FTCDNL1: variants seen among roughly 807,000 people sequenced by gnomAD.
The protein encoded by FTCDNL1 is formiminotransferase cyclodeaminase N-terminal like, also known as formiminotransferase N-terminal subdomain-containing protein.
FTCDNL1 carries 11 observed loss-of-function variants against 5.9 expected under a neutral mutation model. The ratio of observed to expected loss-of-function variants is 1.87; its 90% CI spans 1.18 to 3.10. The LOEUF is 3.10. Among genes scored for constraint, FTCDNL1 ranks in the 30% most tolerant of loss-of-function variants. The pLI, the probability that FTCDNL1 is intolerant of heterozygous loss-of-function variation, is 0.00. For missense variants in FTCDNL1, 115 were observed against 65.5 expected (o/e 1.76, Z -2.61); for synonymous variants, 58 against 24.8 (o/e 2.34, Z -3.99).
chr2:199,731,153 T>C, the FTCDNL1 span, among the ~76,000 whole-genome samples: 3 of 152,002 alleles, frequency 2.0e-5, 1 homozygote, highest in African/African-American at 7.3e-5. Flanking sequence ...TGAGATCACA[T>C]GGACACAGGG....
chr2:199,784,479 TG>T (rs1699535486), intron 3 of FTCDNL1, among the ~76,000 whole-genome samples: 1 of 152,086 alleles, frequency 6.6e-6, no homozygotes. Context: ...TCGTGTTCCT[TG>T]GAAAACAGAC....
chr2:199,728,764 G>A, the FTCDNL1 span, among the ~76,000 whole-genome samples: 15 of 152,230 alleles, frequency 9.9e-5, no homozygotes, highest in African/African-American at 2.6e-4. Context: ...ATTCCTCCTC[G>A]GAGCCACAAG....
the FTCDNL1 span, among the ~76,000 whole-genome samples, chr2:199,731,646 T>C: frequency 1.3e-5 from 2 of 152,176 alleles, no homozygotes; most frequent in Admixed American, 6.5e-5. Context: ...CCCAGCACTT[T>C]GGGAGGCCGA....
At chr2:199,780,061 A>T (rs1481818050) in intron 3 of FTCDNL1, among the ~76,000 whole-genome samples, 1 of 152,212 alleles carries the variant, frequency 6.6e-6, no homozygotes, top group East Asian at 1.9e-4. Context: ...TCCCTGGAGA[A>T]CAGACTGTGG....
At chr2:199,770,002 C>T (rs1479414990) in intron 3 of FTCDNL1, among the ~76,000 whole-genome samples, 1 of 152,086 alleles carries the variant, frequency 6.6e-6, no homozygotes, top group Non-Finnish European at 1.5e-5. Context: ...AAATCTCATC[C>T]TCATGCTTGT....
the FTCDNL1 span, among the ~76,000 whole-genome samples, chr2:199,717,404 TC>T: frequency 1.3e-5 from 2 of 151,962 alleles, no homozygotes; most frequent in Non-Finnish European, 2.9e-5. Context: ...CTCCAAAACT[TC>T]CCTCCTTATG....
downstream of FTCDNL1, among the ~76,000 whole-genome samples, chr2:199,757,865 C>A (rs1387348650): frequency 6.6e-6 from 1 of 152,160 alleles, no homozygotes; most frequent in Non-Finnish European, 1.5e-5. Flanking sequence ...CTTAGAAGAA[C>A]TTTTACTCAG....
At chr2:199,715,487 T>C in the FTCDNL1 span, among the ~76,000 whole-genome samples, 2 of 152,208 alleles carry the variant, frequency 1.3e-5, no homozygotes, top group Non-Finnish European at 2.9e-5. Flanking sequence ...ACGTAAGATG[T>C]GCCTTTGGTC....
the FTCDNL1 span, among the ~76,000 whole-genome samples, chr2:199,751,130 C>T: frequency 1.3e-5 from 2 of 152,194 alleles, no homozygotes; most frequent in African/African-American, 2.4e-5. Flanking sequence ...AACCTCCCTT[C>T]GCCTCTGTCT....
intron 3 of FTCDNL1, among the ~76,000 whole-genome samples, chr2:199,786,995 T>C (rs910184364): frequency 1.4e-4 from 22 of 152,166 alleles, no homozygotes; most frequent in African/African-American, 4.8e-4. Flanking sequence ...TTTCCCTGGC[T>C]TTTGGCCTCT....
chr2:199,752,854 ATGAG>A, the FTCDNL1 span, among the ~76,000 whole-genome samples: 6 of 133,998 alleles, frequency 4.5e-5, no homozygotes, highest in Non-Finnish European at 9.9e-5. Flanking sequence ...GAGACAGACA[ATGAG>A]AGAGAGAGAG....
At chr2:199,729,725 A>T in the FTCDNL1 span, among the ~76,000 whole-genome samples, 1 of 152,202 alleles carries the variant, frequency 6.6e-6, no homozygotes, top group Non-Finnish European at 1.5e-5. Context: ...ATGGAAAAAA[A>T]ATTCCATGCT....
intron 3 of FTCDNL1, among the ~76,000 whole-genome samples, chr2:199,803,191 C>CAAAAAA (rs71403491): frequency 1.4e-5 from 1 of 70,604 alleles, no homozygotes; most frequent in Non-Finnish European, 2.6e-5. Flanking sequence ...AATACCGTCT[C>CAAAAAA]AAAAAAAAAA....
At chr2:199,666,138 A>G in the FTCDNL1 span, among the ~76,000 whole-genome samples, 1 of 152,252 alleles carries the variant, frequency 6.6e-6, no homozygotes, top group African/African-American at 2.4e-5. Flanking sequence ...CACAAGGATT[A>G]GCAAAATAAT....
In FTCDNL1 at chr2:199,833,323, T is replaced by A. The variant is rs556534728; in HGVS notation, c.211+12752A>T. Among the ~76,000 whole-genome samples the A allele has an allele frequency of 2.6e-5, 4 of 152,132 alleles. No individual in the cohort carries two copies. The East Asian group carries it at 7.7e-4, about 29-fold the overall frequency. ...ATCTTGCTTCCCTGTCTAACCACAG[T>A]GGAATGTGATGTTATTGGTTAGTTC... On this transcript the variant is annotated intron_variant, in intron 3 of 4. Transcript: ENST00000420128.
chr2:199,807,769 A>C (rs1700806655), downstream of FTCDNL1, among the ~76,000 whole-genome samples: 1 of 152,236 alleles, frequency 6.6e-6, no homozygotes, highest in Non-Finnish European at 1.5e-5. Flanking sequence ...ACTACAGTCC[A>C]TCATAATAGA....
At chr2:199,781,627 G>GA (rs1314610450) in intron 3 of FTCDNL1, among the ~76,000 whole-genome samples, 1 of 152,138 alleles carries the variant, frequency 6.6e-6, no homozygotes, top group Non-Finnish European at 1.5e-5. Flanking sequence ...TAGCCCTAGG[G>GA]AAAAACCATA....
chr2:199,844,362 C>A (rs2076673172), intron 3 of FTCDNL1: 1 of 517,590 alleles, frequency 1.9e-6, no homozygotes, highest in East Asian at 3.2e-5. Context: ...GAACACATAA[C>A]CCCAAACTTT....
At chr2:199,775,485 G>A (rs1416690648) in intron 3 of FTCDNL1, among the ~76,000 whole-genome samples, 1 of 152,184 alleles carries the variant, frequency 6.6e-6, no homozygotes, top group Non-Finnish European at 1.5e-5. Flanking sequence ...GTTAAGGCCA[G>A]GAGCAATTTC....
Sources: allele counts gnomAD v4.1 joint callset (sites outside exome capture counted in the v4.1 genomes callset), GRCh38; gene constraint gnomAD v4.1.1; transcripts MANE v1.5; gene names NCBI Gene and HGNC (gene_info 2026-07-23, HGNC 2026-07-21).